The following ROBO2 variants were observed in gnomAD, a reference collection of about 807,000 sequenced individuals.
ROBO2 encodes the protein roundabout homolog 2.
ROBO2 carries 53 observed loss-of-function variants against 160.8 expected under a neutral mutation model. The ratio of observed to expected loss-of-function variants is 0.33; its 90% CI spans 0.26 to 0.41. The LOEUF (loss-of-function observed/expected upper bound fraction) is 0.41. Among genes scored for constraint, ROBO2 ranks in the 10% least tolerant of loss-of-function variants. The pLI, the probability that ROBO2 is intolerant of heterozygous loss-of-function variation, is 1.00. For missense variants in ROBO2, 1,577 were observed against 1,722.4 expected (o/e 0.92, Z 1.49); for synonymous variants, 664 against 611.7 (o/e 1.09, Z -1.26).
intron 10 of ROBO2, 67 bp from the exon 12 acceptor site, chr3:77,563,100 C>T: frequency 6.6e-7 from 1 of 1,515,442 alleles, no homozygotes; most frequent in Non-Finnish European, 9.1e-7. Flanking sequence ...AGACTGCTTC[C>T]TTCTTTTAGG....
intron 2 of ROBO2, among the ~76,000 whole-genome samples, chr3:76,722,208 A>G (rs1478332227): frequency 2.6e-5 from 4 of 151,864 alleles, no homozygotes; most frequent in Admixed American, 6.6e-5. Flanking sequence ...TAGATGGAAA[A>G]CTTTGTGTTT....
chr3:77,278,785 A>G (rs2060053925), intron 2 of ROBO2, among the ~76,000 whole-genome samples: 1 of 152,104 alleles, frequency 6.6e-6, no homozygotes, highest in African/African-American at 2.4e-5. Context: ...CTGTCTTGCC[A>G]GTTGTGGAGA....
At chr3:76,158,936 T>C (rs538693942) in intron 2 of ROBO2, among the ~76,000 whole-genome samples, 17 of 152,298 alleles carry the variant, frequency 1.1e-4, no homozygotes, top group Admixed American at 9.2e-4. Flanking sequence ...ATAATTCTTA[T>C]GCACAGTGAA....
chr3:77,298,546 C>T (rs2062358226), intron 2 of ROBO2, among the ~76,000 whole-genome samples: 2 of 152,144 alleles, frequency 1.3e-5, no homozygotes, highest in African/African-American at 2.4e-5. Flanking sequence ...TGAGACTGAA[C>T]TGAAGTGGGA....
At chr3:77,412,265 C>A (rs942818981) in intron 2 of ROBO2, among the ~76,000 whole-genome samples, 1 of 152,212 alleles carries the variant, frequency 6.6e-6, no homozygotes, top group African/African-American at 2.4e-5. Flanking sequence ...CAAGATTCTA[C>A]CCAGAGGTGG....
chr3:76,294,775 G>T (rs989532993), intron 2 of ROBO2, among the ~76,000 whole-genome samples: 2 of 152,164 alleles, frequency 1.3e-5, no homozygotes, highest in Admixed American at 1.3e-4. Flanking sequence ...AGCTTTGCAG[G>T]CAATAGCCAG....
intron 4 of ROBO2, among the ~76,000 whole-genome samples, chr3:77,487,150 A>G (rs1264705389): frequency 6.6e-6 from 1 of 152,114 alleles, no homozygotes; most frequent in Non-Finnish European, 1.5e-5. Context: ...GATCCTTAGG[A>G]CCCACACCTT....
intron 2 of ROBO2, among the ~76,000 whole-genome samples, chr3:76,915,246 C>G (rs932815769): frequency 6.6e-6 from 1 of 152,108 alleles, no homozygotes. Flanking sequence ...AAATAATTCA[C>G]TGTGAAATAT....
At chr3:76,655,783 A>G (rs1196893121) in intron 2 of ROBO2, among the ~76,000 whole-genome samples, 7 of 149,060 alleles carry the variant, frequency 4.7e-5, no homozygotes, top group Admixed American at 3.4e-4. Flanking sequence ...GAAGGAAGGG[A>G]TGAAGGGGGT....
At chr3:76,364,756 C>T (rs530453539) in intron 2 of ROBO2, among the ~76,000 whole-genome samples, 27 of 152,118 alleles carry the variant, frequency 1.8e-4, no homozygotes, top group Non-Finnish European at 3.5e-4. Context: ...TAACTCTTTT[C>T]CTTGAGAATT....
At chr3:77,293,745 G>A (rs1192963400) in intron 2 of ROBO2, among the ~76,000 whole-genome samples, 1 of 142,190 alleles carries the variant, frequency 7.0e-6, no homozygotes, top group Non-Finnish European at 1.5e-5. Flanking sequence ...CGGGTAAGCT[G>A]AGGCTAGATC....
chr3:76,978,974 G>T (rs1195290773), intron 2 of ROBO2, among the ~76,000 whole-genome samples: 1 of 149,804 alleles, frequency 6.7e-6, no homozygotes, highest in Non-Finnish European at 1.5e-5. Context: ...ACAGGGTCTT[G>T]CCCTGTTGCC....
At chr3:76,045,450 TAA>T (rs1370547260) in intron 2 of ROBO2, among the ~76,000 whole-genome samples, 1 of 152,020 alleles carries the variant, frequency 6.6e-6, no homozygotes, top group African/African-American at 2.4e-5. Context: ...TCTGAAACAC[TAA>T]AAGACTCTGG....
intron 2 of ROBO2, among the ~76,000 whole-genome samples, chr3:76,776,731 A>G (rs998489552): frequency 1.3e-5 from 2 of 151,036 alleles, no homozygotes; most frequent in East Asian, 2.0e-4. Flanking sequence ...TGGAGCACAT[A>G]TAGCAGAGAT....
intron 2 of ROBO2, among the ~76,000 whole-genome samples, chr3:76,892,372 C>G (rs1386966929): frequency 6.6e-6 from 1 of 152,178 alleles, no homozygotes; most frequent in Non-Finnish European, 1.5e-5. Flanking sequence ...CAATTTCGAC[C>G]TGTCATCTAC....
intron 2 of ROBO2, among the ~76,000 whole-genome samples, chr3:76,677,103 G>A (rs568835197): frequency 1.3e-5 from 2 of 151,920 alleles, no homozygotes; most frequent in Non-Finnish European, 2.9e-5. Context: ...TCTTTCTAGG[G>A]TTTATCTTTC....
chr3:76,318,418 AGC>A (rs1264458792), intron 2 of ROBO2, among the ~76,000 whole-genome samples: 1 of 152,162 alleles, frequency 6.6e-6, no homozygotes, highest in Non-Finnish European at 1.5e-5. Flanking sequence ...TATATCTATC[AGC>A]CCCCACCCTC....
chr3:76,878,058 A>G (rs1244863122), intron 2 of ROBO2, among the ~76,000 whole-genome samples: 2 of 152,230 alleles, frequency 1.3e-5, no homozygotes, highest in African/African-American at 4.8e-5. Context: ...CTCCAAATGC[A>G]GTGGCATTAG....
chr3:76,979,965 A>T (rs74551887), intron 2 of ROBO2, among the ~76,000 whole-genome samples: 1 of 151,422 alleles, frequency 6.6e-6, no homozygotes, highest in South Asian at 2.1e-4. Context: ...AAAAAAAAAA[A>T]TGTCTTTGCT....
Sources: allele counts gnomAD v4.1 joint callset (sites outside exome capture counted in the v4.1 genomes callset), GRCh38; gene constraint gnomAD v4.1.1; transcripts MANE v1.5; gene names NCBI Gene and HGNC (gene_info 2026-07-23, HGNC 2026-07-21).